Variants in ABCA13 observed in about 807,000 individuals in gnomAD.
ABCA13 encodes ATP-binding cassette sub-family A member 13.
A neutral mutation model predicts 478.7 loss-of-function variants in ABCA13; 476 were observed. The ratio of observed to expected loss-of-function variants is 0.99; its 90% CI spans 0.92 to 1.07. The LOEUF (loss-of-function observed/expected upper bound fraction) is 1.07, where lower values mean the gene tolerates loss of function less well. Ranked by LOEUF, ABCA13 falls within the 50% of genes least tolerant of loss-of-function variation. The pLI, the probability that ABCA13 is intolerant of heterozygous loss-of-function variation, is 0.00. For missense variants in ABCA13, 6,060 were observed against 5,910.6 expected (o/e 1.03, Z -0.83); for synonymous variants, 2,252 against 2,158.9 (o/e 1.04, Z -1.20).
At chr7:48,415,593 G>T (rs1819870014) in intron 41 of ABCA13, among the ~76,000 whole-genome samples, 2 of 152,216 alleles carry the variant, frequency 1.3e-5, no homozygotes, top group African/African-American at 4.8e-5. Flanking sequence ...GACAGGAAGA[G>T]TGGGTGTTCC....
At chr7:48,493,706 C>G (rs920222674) in intron 48 of ABCA13, among the ~76,000 whole-genome samples, 3 of 152,134 alleles carry the variant, frequency 2.0e-5, no homozygotes, top group Non-Finnish European at 2.9e-5. Context: ...CAAGCCAGAT[C>G]CATGGTCATT....
At chr7:48,271,729 T>C in intron 16 of ABCA13, 58 bp from the exon 17 acceptor site, 1 of 1,090,328 alleles carries the variant, frequency 9.2e-7, no homozygotes, top group Non-Finnish European at 1.2e-6. Flanking sequence ...ACTTGGAAAT[T>C]TGATAAATCA....
chr7:48,510,623 C>T (rs1831589633), intron 50 of ABCA13, among the ~76,000 whole-genome samples: 2 of 152,170 alleles, frequency 1.3e-5, no homozygotes. Flanking sequence ...ACTTGATTCT[C>T]TCATTGTCCT....
At chr7:48,329,589 TCATC>T (rs1804882680) in intron 27 of ABCA13, among the ~76,000 whole-genome samples, 1 of 151,012 alleles carries the variant, frequency 6.6e-6, no homozygotes, top group Non-Finnish European at 1.5e-5. Flanking sequence ...ATTTATCTAT[TCATC>T]CATCCACACA....
intron 48 of ABCA13, among the ~76,000 whole-genome samples, chr7:48,505,018 T>C (rs1405667980): frequency 6.6e-6 from 1 of 152,182 alleles, no homozygotes; most frequent in African/African-American, 2.4e-5. Flanking sequence ...ATGAATGTGG[T>C]AAGTCCAGGA....
chr7:48,564,709 G>A (rs6977997), intron 55 of ABCA13, among the ~76,000 whole-genome samples: 21,192 of 151,534 alleles, frequency 0.14, 1,856 homozygotes, highest in African/African-American at 0.23. Flanking sequence ...TAGAAAATAC[G>A]TTAGAAAAAT....
At chr7:48,466,305 A>G (rs941406523) in intron 43 of ABCA13, among the ~76,000 whole-genome samples, 1 of 152,180 alleles carries the variant, frequency 6.6e-6, no homozygotes, top group Non-Finnish European at 1.5e-5. Context: ...TGGTGTCTTC[A>G]GTAAGGAAAT....
Position 48,171,459 on chromosome 7 carries a change from T to C in ABCA13, c.-25T>C. 1 of 1,535,784 alleles carries C rather than the reference T, an allele frequency of 6.5e-7. No homozygotes were observed. Among genetic ancestry groups the C allele is most frequent in the Non-Finnish European group, 8.7e-7 (1 of 1,146,780 alleles). On this transcript the variant is annotated 5_prime_UTR_variant, in exon 1 of 62. Transcript: ENST00000435803. Reference sequence around the variant, plus strand: ...GCACCATCCTTACAGGCTGGCTTCCTGACTGAGAGCAGGGAGCAGCAGGCA... The same window carrying C: ...GCACCATCCTTACAGGCTGGCTTCCCGACTGAGAGCAGGGAGCAGCAGGCA...
rs1333178085 is a variant in ABCA13, at chr7:48,219,655, T to C, written c.439+150T>C. ...GTCTTTGATGGATGAGGCCAGCACC[T>C]GCAGACGGTTGTGGAGGGTGGAGCT... On this transcript the variant is annotated intron_variant, in intron 4 of 61. Coordinates refer to ENST00000435803, the MANE Select transcript of ABCA13 (RefSeq NM_152701.5). 8.4e-6 allele frequency: 9 copies of C among 1,074,246 alleles called. No homozygotes were observed. The East Asian group carries it at 2.0e-4, about 24-fold the overall frequency. 66.5% of individuals were successfully genotyped at this position (1,074,246 alleles called of 1,614,324 possible).
At chr7:48,568,186 T>G (rs1237175969) in intron 55 of ABCA13, among the ~76,000 whole-genome samples, 2 of 152,144 alleles carry the variant, frequency 1.3e-5, no homozygotes, top group Non-Finnish European at 2.9e-5. Flanking sequence ...CATTCTCCAT[T>G]GCGTCCCCCC....
intron 27 of ABCA13, among the ~76,000 whole-genome samples, chr7:48,332,530 A>G (rs946491619): frequency 2.0e-5 from 3 of 152,228 alleles, no homozygotes; most frequent in Admixed American, 1.3e-4. Context: ...ATCATCAAAT[A>G]CATTTCATAA....
At chr7:48,629,144 T>A (rs1793933868) in intron 59 of ABCA13, among the ~76,000 whole-genome samples, 1 of 152,188 alleles carries the variant, frequency 6.6e-6, no homozygotes, top group African/African-American at 2.4e-5. Context: ...CAGTCCTAAT[T>A]GCTGCCATGG....
intron 58 of ABCA13, among the ~76,000 whole-genome samples, chr7:48,612,646 A>C (rs371062400): frequency 6.6e-6 from 1 of 152,212 alleles, no homozygotes; most frequent in Non-Finnish European, 1.5e-5. Context: ...AATGAGTGAT[A>C]TATTCTCCTA....
At chr7:48,606,727 C>A (rs4317523) in intron 58 of ABCA13, among the ~76,000 whole-genome samples, 2 of 152,202 alleles carry the variant, frequency 1.3e-5, no homozygotes, top group East Asian at 1.9e-4. Context: ...TGTCCCTTAT[C>A]GGAGCTCGAA....
At position 48,352,289 on chromosome 7, in the gene ABCA13, G is replaced by C. The variant is rs566783688; in HGVS notation, c.10490G>C (p.Arg3497Pro). The change falls in exon 31 of 62, where the codon CGA becomes CCA. Residue 3497 changes from arginine to proline, a missense_variant. Around this residue, in one of 3 missense-constraint regions of ABCA13, gnomAD observed 4,423 missense variants for 4,309.1 expected, o/e 1.03. Transcript: ENST00000435803. ...TIRTNVLYSV[R>P]TDVVKNPSWK... ...CGGACCAATGTGTTATACAGCGTGC[G>C]AACAGATGTGGTAAAAAACCCTTCT... 1.2e-6 allele frequency: 2 copies of C among 1,613,798 alleles called. No individual in the cohort carries two copies.
chr7:48,340,150 A>G (rs1806911422), intron 29 of ABCA13, among the ~76,000 whole-genome samples: 1 of 152,106 alleles, frequency 6.6e-6, no homozygotes, highest in African/African-American at 2.4e-5. Flanking sequence ...CTTGTCATCC[A>G]GGCTGTAGTG....
At chr7:48,350,275 CTT>C (rs112560282) in intron 29 of ABCA13, among the ~76,000 whole-genome samples, 94 of 151,832 alleles carry the variant, frequency 6.2e-4, no homozygotes, top group African/African-American at 2.1e-3. Flanking sequence ...CAGGTTGGAA[CTT>C]TTTTTTTCCC....
At position 48,352,101 on chromosome 7, in the gene ABCA13, C is replaced by T; in HGVS notation, c.10382-80C>T. On this transcript the variant is annotated intron_variant, in intron 30 of 61. Transcript: ENST00000435803. Reference sequence around the variant, plus strand: ...TGAGTCTCAGGCTCCTGCAACTTTTCCTGTCTCACCCAGTGTAGGCGTGGT... The same window carrying T: ...TGAGTCTCAGGCTCCTGCAACTTTTTCTGTCTCACCCAGTGTAGGCGTGGT... 4 of 1,401,350 alleles carry T rather than the reference C, an allele frequency of 2.9e-6. No individual in the cohort carries two copies. In the East Asian group the frequency reaches 9.3e-5, roughly 32 times the overall value. 86.8% of individuals were successfully genotyped at this position (1,401,350 alleles called of 1,614,324 possible). A position where few individuals can be genotyped will look rare whatever the true frequency, so the allele number is the denominator to read the frequency against.
intron 45 of ABCA13, among the ~76,000 whole-genome samples, chr7:48,480,492 C>G (rs1481410407): frequency 6.6e-6 from 1 of 152,224 alleles, no homozygotes; most frequent in Admixed American, 6.5e-5. Flanking sequence ...CAGGGCAGAG[C>G]ACATCATTGC....
Sources: gnomAD v4.1 joint callset for allele counts (sites outside exome capture counted in the v4.1 genomes callset) on GRCh38, gnomAD v4.1.1 for gene constraint, gnomAD v4.1.1 regional missense constraint, MANE v1.5 for transcripts, NCBI Gene and HGNC (gene_info 2026-07-23, HGNC 2026-07-21) for gene names.